CNTN4: variants seen among roughly 807,000 people sequenced by gnomAD.
CNTN4 encodes contactin 4, also known as contactin-4.
In CNTN4, 77 loss-of-function variants were observed where a neutral mutation model predicts 122.5. The ratio of observed to expected loss-of-function variants is 0.63; its 90% confidence interval spans 0.52 to 0.76. The LOEUF (loss-of-function observed/expected upper bound fraction) is 0.76. Among genes scored for constraint, CNTN4 ranks in the 30% least tolerant of loss-of-function variants. The probability of loss-of-function intolerance (pLI) is 0.00; values close to 1 mark genes in which losing one functional copy is unlikely to be tolerated. For missense variants in CNTN4, 1,256 were observed against 1,259.1 expected (o/e 1.00, Z 0.04); for synonymous variants, 512 against 447.0 (o/e 1.15, Z -1.83).
intron 23 of CNTN4, 37 bp downstream of exon 23, chr3:3,043,741 G>A (rs768802999): frequency 1.7e-5 from 23 of 1,326,352 alleles, no homozygotes; most frequent in Non-Finnish European, 1.7e-5. Context: ...ACCTAATCGT[G>A]CTGTGAGTGG....
intron 2 of CNTN4, among the ~76,000 whole-genome samples, chr3:2,199,841 C>A (rs1248837640): frequency 6.6e-6 from 1 of 152,086 alleles, no homozygotes; most frequent in Non-Finnish European, 1.5e-5. Flanking sequence ...TCTGAAGAAA[C>A]CACCAATGAA....
chr3:2,247,026 A>G (rs189214544), intron 2 of CNTN4, among the ~76,000 whole-genome samples: 22 of 152,172 alleles, frequency 1.4e-4, no homozygotes, highest in African/African-American at 5.1e-4. Context: ...CAAGCATAGA[A>G]TGGGAAATGA....
intron 2 of CNTN4, among the ~76,000 whole-genome samples, chr3:2,314,808 G>T (rs1353017228): frequency 6.6e-6 from 1 of 151,742 alleles, no homozygotes; most frequent in Non-Finnish European, 1.5e-5. Context: ...AATCTAATAA[G>T]CAAATGACAT....
intron 24 of CNTN4, among the ~76,000 whole-genome samples, chr3:3,055,323 G>A (rs2125922904): frequency 6.6e-6 from 1 of 152,304 alleles, no homozygotes; most frequent in Admixed American, 6.5e-5. Context: ...TGCAGGGATT[G>A]ACATTTTTAG....
intron 4 of CNTN4, among the ~76,000 whole-genome samples, chr3:2,589,961 G>A (rs1393499455): frequency 6.6e-6 from 1 of 152,166 alleles, no homozygotes; most frequent in East Asian, 1.9e-4. Flanking sequence ...TATTATAAGC[G>A]AGTCATTATT....
intron 17 of CNTN4, among the ~76,000 whole-genome samples, chr3:3,035,178 C>T (rs1194434912): frequency 6.6e-6 from 1 of 151,624 alleles, no homozygotes; most frequent in African/African-American, 2.4e-5. Context: ...CATGGTGGTG[C>T]GTGCCTGCAG....
At chr3:2,250,492 A>G (rs2040333771) in intron 2 of CNTN4, among the ~76,000 whole-genome samples, 1 of 151,906 alleles carries the variant, frequency 6.6e-6, no homozygotes, top group Non-Finnish European at 1.5e-5. Flanking sequence ...GCATTGTAGG[A>G]TGACTGTAGT....
At chr3:2,126,495 T>A (rs754835527) in intron 2 of CNTN4, among the ~76,000 whole-genome samples, 1 of 152,238 alleles carries the variant, frequency 6.6e-6, no homozygotes, top group Non-Finnish European at 1.5e-5. Context: ...TTAAGAAATA[T>A]TGATTTAATA....
At chr3:2,867,534 C>T (rs2093737533) in intron 8 of CNTN4, among the ~76,000 whole-genome samples, 1 of 152,070 alleles carries the variant, frequency 6.6e-6, no homozygotes. Flanking sequence ...GTAAAGACGG[C>T]CGTGTATGCC....
At chr3:2,975,964 T>C (rs1490891122) in intron 13 of CNTN4, among the ~76,000 whole-genome samples, 2 of 152,188 alleles carry the variant, frequency 1.3e-5, no homozygotes, top group Admixed American at 6.5e-5. Context: ...CTAAATCTTA[T>C]ATTAGTGGAA....
intron 13 of CNTN4, among the ~76,000 whole-genome samples, chr3:2,926,319 T>A (rs574137399): frequency 1.3e-5 from 2 of 152,232 alleles, no homozygotes; most frequent in Non-Finnish European, 1.5e-5. Flanking sequence ...AAAACAGGTT[T>A]TTTTTCTAAT....
rs1042007770 is a variant in CNTN4, at chr3:3,056,458, C to A, written c.*238C>A. On this transcript the variant is annotated 3_prime_UTR_variant, in exon 25 of 25. Coordinates refer to ENST00000418658, the MANE Select transcript of CNTN4 (RefSeq NM_175607.3). ...TGAAGACATCTGTAATATGATGTTACCAAAGCAGTTTACATATGTCCTTAT... is the reference window on the plus strand; with the variant it reads ...TGAAGACATCTGTAATATGATGTTAACAAAGCAGTTTACATATGTCCTTAT... The A allele has an allele frequency of 3.5e-5, 15 of 432,352 alleles. No individual in the cohort carries two copies. Among genetic ancestry groups the A allele is most frequent in the Middle Eastern group, 1.3e-3 (2 of 1,514 alleles). 26.8% of individuals were successfully genotyped at this position (432,352 alleles called of 1,614,324 possible).
At chr3:2,777,605 G>A (rs58773244) in intron 6 of CNTN4, among the ~76,000 whole-genome samples, 1 of 152,188 alleles carries the variant, frequency 6.6e-6, no homozygotes, top group Non-Finnish European at 1.5e-5. Flanking sequence ...GTAGCCAGGA[G>A]AGTAGGCTTT....
At chr3:2,653,344 T>A (rs574818584) in intron 4 of CNTN4, among the ~76,000 whole-genome samples, 75 of 152,328 alleles carry the variant, frequency 4.9e-4, no homozygotes, top group African/African-American at 1.8e-3. Flanking sequence ...TTTGATGTTG[T>A]CTACCAGTTG....
intron 3 of CNTN4, among the ~76,000 whole-genome samples, chr3:2,379,997 C>A (rs184039426): frequency 1.4e-5 from 2 of 142,668 alleles, no homozygotes; most frequent in Non-Finnish European, 3.0e-5. Flanking sequence ...ATGGAGGTTG[C>A]GGTGAGCTGA....
At chr3:2,584,693 G>A (rs1446052326) in intron 4 of CNTN4, among the ~76,000 whole-genome samples, 7 of 33,466 alleles carry the variant, frequency 2.1e-4, no homozygotes, top group Admixed American at 2.0e-3. Context: ...GCAAAACTCC[G>A]TCTCAAAAAA....
chr3:2,206,635 G>A (rs549500195), intron 2 of CNTN4, among the ~76,000 whole-genome samples: 49 of 147,214 alleles, frequency 3.3e-4, no homozygotes, highest in South Asian at 7.4e-4. Flanking sequence ...GATCAATTAT[G>A]GCCCCTATAC....
At chr3:2,337,604 A>C (rs2044007752) in intron 2 of CNTN4, among the ~76,000 whole-genome samples, 3 of 152,110 alleles carry the variant, frequency 2.0e-5, no homozygotes, top group African/African-American at 7.2e-5. Flanking sequence ...ATTAGTAATA[A>C]ATTGAACCAA....
intron 8 of CNTN4, 143 bp from the exon 9 acceptor site, chr3:2,883,002 G>C (rs4685575): frequency 1.5e-6 from 1 of 649,430 alleles, no homozygotes; most frequent in Non-Finnish European, 2.8e-6. Context: ...CATGACTGCT[G>C]GAGATAGGAC....
Sources: allele counts gnomAD v4.1 joint callset (sites outside exome capture counted in the v4.1 genomes callset), GRCh38; gene constraint gnomAD v4.1.1; transcripts MANE v1.5; gene names NCBI Gene and HGNC (gene_info 2026-07-23, HGNC 2026-07-21).